CNTN5: variants seen among roughly 807,000 people sequenced by gnomAD.
The protein encoded by CNTN5 is contactin-5.
A neutral mutation model predicts 129.1 loss-of-function variants in CNTN5; 77 were observed. The observed-to-expected ratio is 0.60, with a 90% CI of 0.50 to 0.72. The LOEUF is 0.72. Ranked by LOEUF, CNTN5 falls within the 30% of genes least tolerant of loss-of-function variation. The probability of loss-of-function intolerance (pLI) is 0.00; values close to 1 mark genes in which losing one functional copy is unlikely to be tolerated. For synonymous variants in CNTN5, 509 were observed against 465.6 expected (o/e 1.09, Z -1.20); for missense variants, 1,478 against 1,328.8 (o/e 1.11, Z -1.75).
intron 2 of CNTN5, among the ~76,000 whole-genome samples, chr11:99,354,341 G>A (rs777659626): frequency 3.3e-5 from 5 of 152,110 alleles, no homozygotes; most frequent in Non-Finnish European, 5.9e-5. Context: ...GGTTGGGCAT[G>A]TTTTCAGTGT....
intron 1 of CNTN5, among the ~76,000 whole-genome samples, chr11:99,055,076 G>T (rs1045270852): frequency 6.6e-6 from 1 of 151,876 alleles, no homozygotes; most frequent in African/African-American, 2.4e-5. Context: ...AAATATCTGG[G>T]CTAGGTCCCT....
chr11:99,073,134 A>G (rs1283137959), intron 1 of CNTN5, among the ~76,000 whole-genome samples: 1 of 152,046 alleles, frequency 6.6e-6, no homozygotes, highest in Non-Finnish European at 1.5e-5. Flanking sequence ...TTATTCTACC[A>G]TTGAGGGCAT....
intron 1 of CNTN5, among the ~76,000 whole-genome samples, chr11:99,236,888 T>C (rs959383777): frequency 9.9e-5 from 15 of 152,208 alleles, no homozygotes; most frequent in African/African-American, 3.6e-4. Flanking sequence ...GTGCATTTGC[T>C]TTGTATACTT....
chr11:100,038,386 A>T (rs1253357361), intron 9 of CNTN5, among the ~76,000 whole-genome samples: 5 of 152,242 alleles, frequency 3.3e-5, no homozygotes, highest in Middle Eastern at 3.4e-3. Context: ...CTTTACTTCC[A>T]ACTATGTGGT....
intron 3 of CNTN5, among the ~76,000 whole-genome samples, chr11:99,613,470 C>T (rs1360874508): frequency 3.9e-5 from 6 of 152,116 alleles, no homozygotes; most frequent in Non-Finnish European, 8.8e-5. Flanking sequence ...ATAAATTACC[C>T]AGTCTTGGGC....
At chr11:99,051,318 G>A (rs1222438855) in intron 1 of CNTN5, among the ~76,000 whole-genome samples, 1 of 151,874 alleles carries the variant, frequency 6.6e-6, no homozygotes. Context: ...AGGAAAAGAA[G>A]CAAATAACTG....
rs140118352 is a variant in CNTN5, at chr11:99,941,571, A to ACACACACACACACACACACAC, written c.674-15235_674-15234insCACACACACACACACACACAC. Among the ~76,000 whole-genome samples, 1,143 of 148,350 alleles carry ACACACACACACACACACACAC rather than the reference A, an allele frequency of 7.7e-3. 8 individuals are homozygous for ACACACACACACACACACACAC. Among genetic ancestry groups the ACACACACACACACACACACAC allele is most frequent in the Middle Eastern group, 0.014 (4 of 294 alleles). The stretch of plus-strand genomic sequence containing the variant: ...GTAATAGAGGTAAATACATAAGACA[A>ACACACACACACACACACACAC]ACACACACACACACAAAGAGAAAGA... On this transcript the variant is annotated intron_variant, in intron 7 of 24. Coordinates refer to ENST00000524871, the MANE Select transcript of CNTN5 (RefSeq NM_014361.4).
chr11:99,230,304 A>T (rs1256974010), intron 1 of CNTN5, among the ~76,000 whole-genome samples: 1 of 152,170 alleles, frequency 6.6e-6, no homozygotes, highest in African/African-American at 2.4e-5. Context: ...GAAATAAATA[A>T]AAGTGTGTAT....
intron 3 of CNTN5, among the ~76,000 whole-genome samples, chr11:99,751,142 G>C (rs947981436): frequency 1.3e-5 from 2 of 152,134 alleles, no homozygotes; most frequent in Non-Finnish European, 2.9e-5. Context: ...TTCGAGAACA[G>C]CCTGACCAAC....
chr11:99,794,668 C>T (rs1241868948), intron 3 of CNTN5, among the ~76,000 whole-genome samples: 1 of 152,052 alleles, frequency 6.6e-6, no homozygotes, highest in Non-Finnish European at 1.5e-5. Context: ...TCTTATTTTT[C>T]CTTTGTTTAT....
At position 99,315,580 on chromosome 11, in the gene CNTN5, G is replaced by A. The variant is rs1865304672; in HGVS notation, c.-209-9766G>A. Among the ~76,000 whole-genome samples, 2 of 149,336 alleles carry A rather than the reference G, an allele frequency of 1.3e-5. 1 individual carries two copies. Among genetic ancestry groups the A allele is most frequent in the African/African-American group, 4.9e-5 (2 of 41,008 alleles). ...GATAAAAAAATAAGTAATTGACAAG[G>A]AACATTACTTTATATTTTGTGTTGT... On this transcript the variant is annotated intron_variant, in intron 1 of 24. Coordinates refer to ENST00000524871, the MANE Select transcript of CNTN5 (RefSeq NM_014361.4).
chr11:99,909,932 G>A (rs1949613239), intron 6 of CNTN5, among the ~76,000 whole-genome samples: 1 of 151,794 alleles, frequency 6.6e-6, no homozygotes, highest in African/African-American at 2.4e-5. Context: ...TGCACGTTGT[G>A]CACATGTACC....
rs142366153 is a variant in CNTN5, at chr11:100,036,107, C to T, written c.981-25105C>T. 6.3e-3 allele frequency among the ~76,000 whole-genome samples: 959 copies of T among 152,280 alleles called. 3 individuals are homozygous for T. The highest frequency in any genetic ancestry group is 7.5e-3 in the Non-Finnish European group (507 of 68,024). ...AGGGTTTTTATGGTTTCAGCTCTAA[C>T]ATTTAAGTCTTTAATCCATCTTGAA... On this transcript the variant is annotated intron_variant, in intron 9 of 24. Coordinates refer to ENST00000524871, the MANE Select transcript of CNTN5 (RefSeq NM_014361.4).
chr11:100,348,592 A>G (rs571345672), intron 23 of CNTN5, among the ~76,000 whole-genome samples: 67 of 151,882 alleles, frequency 4.4e-4, no homozygotes, highest in African/African-American at 1.6e-3. Context: ...TAAAATAATC[A>G]CTCCCCTGCC....
At chr11:99,137,190 A>G (rs1403100850) in intron 1 of CNTN5, among the ~76,000 whole-genome samples, 1 of 152,170 alleles carries the variant, frequency 6.6e-6, no homozygotes, top group African/African-American at 2.4e-5. Context: ...GTGTGTTTAA[A>G]CTTCATGCAT....
chr11:100,333,531 A>G (rs1428315993), intron 21 of CNTN5, among the ~76,000 whole-genome samples: 1 of 152,144 alleles, frequency 6.6e-6, no homozygotes, highest in African/African-American at 2.4e-5. Flanking sequence ...CCTGACTTCA[A>G]ACTATTCTAT....
chr11:99,330,709 G>T (rs867495946), intron 2 of CNTN5, among the ~76,000 whole-genome samples: 8 of 152,190 alleles, frequency 5.3e-5, no homozygotes, highest in Admixed American at 3.9e-4. Context: ...GCTGGAAGCT[G>T]TGCTAATTGC....
At chr11:99,141,940 A>G (rs376572701) in intron 1 of CNTN5, among the ~76,000 whole-genome samples, 18 of 152,162 alleles carry the variant, frequency 1.2e-4, no homozygotes, top group African/African-American at 4.1e-4. Flanking sequence ...CCATGTACCT[A>G]TGAGAAGAAT....
chr11:99,168,578 T>TCAAAAAAAACAAAACAAAA (rs1860995898), intron 1 of CNTN5, among the ~76,000 whole-genome samples: 1 of 145,746 alleles, frequency 6.9e-6, no homozygotes, highest in East Asian at 2.0e-4. Flanking sequence ...AGACTCCATC[T>TCAAAAAAAACAAAACAAAA]CAAAACAAAA....
Sources: allele counts gnomAD v4.1 joint callset (sites outside exome capture counted in the v4.1 genomes callset), GRCh38; gene constraint gnomAD v4.1.1; transcripts MANE v1.5; gene names NCBI Gene and HGNC (gene_info 2026-07-23, HGNC 2026-07-21).